The following ADAMTSL1 variants were observed in gnomAD, a reference collection of about 807,000 sequenced individuals.
ADAMTSL1 encodes ADAMTS-like protein 1.
ADAMTSL1 carries 126 observed loss-of-function variants against 201.8 expected under a neutral mutation model. That is an observed-to-expected ratio of 0.62 (90% confidence interval 0.54 to 0.72). ADAMTSL1 has a LOEUF of 0.72. ADAMTSL1 is among the 30% of genes least tolerant of loss of function. The pLI, the probability that ADAMTSL1 is intolerant of heterozygous loss-of-function variation, is 0.00. For missense variants in ADAMTSL1, 2,679 were observed against 2,277.8 expected, an observed-to-expected ratio of 1.18 and a Z score of -3.59; for synonymous variants, 1,121 against 903.4, an observed-to-expected ratio of 1.24 and a Z score of -4.32.
intron 4 of ADAMTSL1, among the ~76,000 whole-genome samples, chr9:18,578,606 G>A (rs1303613892): frequency 2.6e-5 from 4 of 152,264 alleles, no homozygotes. Context: ...TGCAAAATGA[G>A]GATAATAATT....
intron 1 of ADAMTSL1, among the ~76,000 whole-genome samples, chr9:18,120,819 A>G (rs182874554): frequency 1.3e-5 from 2 of 152,276 alleles, no homozygotes; most frequent in East Asian, 3.9e-4. Flanking sequence ...ATGTAATTTA[A>G]TATACCCTGA....
rs151129521 is a variant in ADAMTSL1 at position 18,023,190 on chromosome 9, T to C, written c.87+116268T>C. Among the ~76,000 whole-genome samples the C allele has an allele frequency of 3.1e-3, 477 of 152,188 alleles. 2 individuals are homozygous for C. The highest frequency in any genetic ancestry group is 0.011 in the African/African-American group (450 of 41,540). On this transcript the variant is annotated intron_variant, in intron 1 of 29. Transcript: ENST00000680146. ...CGAAAGAGCAATTTACCTAGAACAA[T>C]GACTCAAATTGTGGGCTGCATTAGA... is the stretch of plus-strand genomic sequence containing the variant.
intron 2 of ADAMTSL1, among the ~76,000 whole-genome samples, chr9:18,433,480 A>G (rs1183511333): frequency 1.3e-5 from 2 of 152,128 alleles, no homozygotes; most frequent in Non-Finnish European, 2.9e-5. Flanking sequence ...GCCATTAAGA[A>G]AAAACAATTT....
chr9:18,166,264 T>A (rs1390781849), intron 2 of ADAMTSL1, among the ~76,000 whole-genome samples: 1 of 151,936 alleles, frequency 6.6e-6, no homozygotes, highest in Non-Finnish European at 1.5e-5. Context: ...TTCTGATAAA[T>A]GCTCATTTGT....
At chr9:18,776,712 T>G in intron 18 of ADAMTSL1, 69 bp from the exon 19 acceptor site, 2 of 1,453,324 alleles carry the variant, frequency 1.4e-6, no homozygotes, top group Non-Finnish European at 1.8e-6. Flanking sequence ...CTCTCCTGGC[T>G]GCATCTCACT....
At chr9:18,510,706 A>G (rs1817973204) in intron 2 of ADAMTSL1, among the ~76,000 whole-genome samples, 1 of 151,630 alleles carries the variant, frequency 6.6e-6, no homozygotes, top group Non-Finnish European at 1.5e-5. Flanking sequence ...TTATAATGTA[A>G]CTTTTACTAA....
intron 1 of ADAMTSL1, among the ~76,000 whole-genome samples, chr9:18,119,932 A>G (rs998619630): frequency 3.3e-5 from 5 of 152,212 alleles, no homozygotes; most frequent in Non-Finnish European, 7.3e-5. Context: ...AGCTCTAGGA[A>G]CACACCACTT....
intron 2 of ADAMTSL1, among the ~76,000 whole-genome samples, chr9:18,288,048 G>A (rs1278803766): frequency 6.6e-6 from 1 of 152,144 alleles, no homozygotes; most frequent in Non-Finnish European, 1.5e-5. Context: ...AGCCTGAGCG[G>A]TGGCACTGGC....
At chr9:18,564,101 G>T (rs1821721613) in intron 3 of ADAMTSL1, among the ~76,000 whole-genome samples, 1 of 152,166 alleles carries the variant, frequency 6.6e-6, no homozygotes, top group Admixed American at 6.5e-5. Context: ...TGCTTAAACG[G>T]CCGCCCAGTT....
intron 1 of ADAMTSL1, among the ~76,000 whole-genome samples, chr9:17,944,183 G>C (rs1052480380): frequency 1.3e-5 from 2 of 151,850 alleles, no homozygotes; most frequent in Non-Finnish European, 2.9e-5. Context: ...GACAAACAGA[G>C]AGCCAAATCA....
intron 16 of ADAMTSL1, among the ~76,000 whole-genome samples, chr9:18,757,362 A>G (rs998305482): frequency 3.9e-5 from 6 of 152,090 alleles, no homozygotes; most frequent in African/African-American, 1.2e-4. Context: ...TGCACACCTC[A>G]TAAGGGATCA....
chr9:18,621,767 C>T (rs1288279691), intron 4 of ADAMTSL1, among the ~76,000 whole-genome samples: 2 of 152,146 alleles, frequency 1.3e-5, no homozygotes, highest in African/African-American at 2.4e-5. Context: ...ATATACAAAT[C>T]GCCCACCCTT....
chr9:18,114,803 G>A (rs371179088), intron 1 of ADAMTSL1, among the ~76,000 whole-genome samples: 62 of 152,282 alleles, frequency 4.1e-4, no homozygotes, highest in African/African-American at 1.2e-3. Flanking sequence ...GAAAAAGCAC[G>A]TCTAAAGACA....
intron 19 of ADAMTSL1, among the ~76,000 whole-genome samples, chr9:18,784,183 C>T (rs893041207): frequency 6.6e-6 from 1 of 152,194 alleles, no homozygotes; most frequent in Non-Finnish European, 1.5e-5. Flanking sequence ...AAGCCTATCC[C>T]CAAAGCCAGG....
intron 16 of ADAMTSL1, among the ~76,000 whole-genome samples, chr9:18,760,782 C>G (rs1472191551): frequency 6.6e-6 from 1 of 152,244 alleles, no homozygotes; most frequent in East Asian, 1.9e-4. Context: ...TCAGAACATG[C>G]CATGTCCCTT....
chr9:18,545,691 C>G (rs935249119), intron 3 of ADAMTSL1, among the ~76,000 whole-genome samples: 2 of 152,166 alleles, frequency 1.3e-5, no homozygotes, highest in African/African-American at 2.4e-5. Flanking sequence ...AATTTACTTT[C>G]TCAAGTCCTA....
chr9:18,503,656 G>A (rs1822965290), intron 1 of ADAMTSL1, among the ~76,000 whole-genome samples: 1 of 152,014 alleles, frequency 6.6e-6, no homozygotes, highest in African/African-American at 2.4e-5. Flanking sequence ...TCTAAAGCCA[G>A]TATTCCACCC....
intron 2 of ADAMTSL1, among the ~76,000 whole-genome samples, chr9:18,235,865 G>A (rs1365616174): frequency 6.6e-6 from 1 of 152,136 alleles, no homozygotes; most frequent in Admixed American, 6.5e-5. Context: ...CTGTATTTGG[G>A]GGGAATTCTT....
At chr9:18,339,423 A>G (rs958464761) in intron 2 of ADAMTSL1, among the ~76,000 whole-genome samples, 1 of 152,190 alleles carries the variant, frequency 6.6e-6, no homozygotes, top group Non-Finnish European at 1.5e-5. Context: ...CACACTAATC[A>G]GAATGGCTAC....
Sources: allele counts gnomAD v4.1 joint callset (sites outside exome capture counted in the v4.1 genomes callset), GRCh38; gene constraint gnomAD v4.1.1; transcripts MANE v1.5; gene names NCBI Gene and HGNC (gene_info 2026-07-23, HGNC 2026-07-21).